Variants in SOX5 observed in about 807,000 individuals in gnomAD.
SOX5 encodes SRY-box transcription factor 5.
SOX5 carries 9 observed loss-of-function variants against 92.0 expected under a neutral mutation model. The observed-to-expected ratio is 0.10, with a 90% CI of 0.06 to 0.17. The LOEUF is 0.17. Ranked by LOEUF, SOX5 falls within the 10% of genes least tolerant of loss-of-function variation. SOX5 has a pLI of 1.00. For synonymous variants in SOX5, 344 were observed against 336.3 expected (o/e 1.02, Z -0.25); for missense variants, 642 against 944.5 (o/e 0.68, Z 4.20).
chr12:23,660,572 A>C (rs2082902721), intron 7 of SOX5, among the ~76,000 whole-genome samples: 2 of 152,210 alleles, frequency 1.3e-5, no homozygotes, highest in African/African-American at 4.8e-5. Flanking sequence ...CAAAGGAATC[A>C]ATTGGTATAA....
chr12:23,655,018 G>T (rs1258053669), intron 7 of SOX5, among the ~76,000 whole-genome samples: 2 of 151,990 alleles, frequency 1.3e-5, no homozygotes, highest in East Asian at 3.9e-4. Context: ...CATAGCAAAT[G>T]AAAACTTTAT....
chr12:24,131,884 A>G (rs1027777078), intron 4 of SOX5, among the ~76,000 whole-genome samples: 1 of 152,124 alleles, frequency 6.6e-6, no homozygotes, highest in Non-Finnish European at 1.5e-5. Flanking sequence ...TCCATGACCT[A>G]TACATTTTGT....
intron 4 of SOX5, among the ~76,000 whole-genome samples, chr12:24,119,309 T>C (rs971985906): frequency 2.6e-5 from 4 of 152,106 alleles, no homozygotes; most frequent in Non-Finnish European, 4.4e-5. Context: ...AAAAAACTTT[T>C]TGTATCATTA....
At chr12:23,929,577 C>T (rs1940920156) in intron 1 of SOX5, among the ~76,000 whole-genome samples, 1 of 151,792 alleles carries the variant, frequency 6.6e-6, no homozygotes, top group Admixed American at 6.6e-5. Flanking sequence ...TTTAATCCCA[C>T]TGTGAAAGAG....
At chr12:23,680,506 T>C (rs1227079111) in intron 6 of SOX5, among the ~76,000 whole-genome samples, 1 of 151,742 alleles carries the variant, frequency 6.6e-6, no homozygotes, top group South Asian at 2.1e-4. Flanking sequence ...TTAAGTGTCA[T>C]AGAGTCTAAA....
chr12:23,585,615 A>G (rs1281728492), intron 9 of SOX5, among the ~76,000 whole-genome samples: 1 of 152,196 alleles, frequency 6.6e-6, no homozygotes, highest in Non-Finnish European at 1.5e-5. Flanking sequence ...AGAGCAGTAC[A>G]GTAATAGTGA....
At chr12:23,566,584 T>C (rs1468429860) in intron 10 of SOX5, among the ~76,000 whole-genome samples, 1 of 152,218 alleles carries the variant, frequency 6.6e-6, no homozygotes, top group African/African-American at 2.4e-5. Flanking sequence ...AAAAAGGATG[T>C]GTTTTGGAGC....
chr12:23,920,085 T>C (rs1937693839), intron 1 of SOX5: 1 of 152,250 alleles, frequency 6.6e-6, no homozygotes, highest in South Asian at 2.1e-4. Context: ...TCAGCGCTAT[T>C]GCCTAAAAGT....
chr12:24,187,971 T>G (rs1411185289), intron 4 of SOX5, among the ~76,000 whole-genome samples: 1 of 152,214 alleles, frequency 6.6e-6, no homozygotes, highest in African/African-American at 2.4e-5. Flanking sequence ...AAAAGGGATA[T>G]GTAACTTCTG....
At chr12:24,343,599 T>G (rs1027038466) in intron 2 of SOX5, among the ~76,000 whole-genome samples, 13 of 152,294 alleles carry the variant, frequency 8.5e-5, no homozygotes, top group Non-Finnish European at 1.9e-4. Flanking sequence ...ATGTCTTTAA[T>G]CTGCACTCAG....
At chr12:23,788,115 AT>A (rs1251244930) in intron 3 of SOX5, among the ~76,000 whole-genome samples, 1 of 151,914 alleles carries the variant, frequency 6.6e-6, no homozygotes, top group African/African-American at 2.4e-5. Flanking sequence ...CATTTTTATT[AT>A]GGTTTATCAT....
At chr12:24,148,762 T>C (rs1043071839) in intron 4 of SOX5, among the ~76,000 whole-genome samples, 2 of 140,052 alleles carry the variant, frequency 1.4e-5, no homozygotes, top group Admixed American at 7.2e-5. Context: ...TAGTGGCCCA[T>C]ACATATAGTC....
intron 4 of SOX5, among the ~76,000 whole-genome samples, chr12:24,101,426 C>G (rs1166635798): frequency 6.6e-6 from 1 of 152,044 alleles, no homozygotes; most frequent in Non-Finnish European, 1.5e-5. Flanking sequence ...TCTTTATTTC[C>G]TTCATGACTA....
At chr12:23,687,799 C>G (rs1210234298) in intron 6 of SOX5, among the ~76,000 whole-genome samples, 1 of 151,788 alleles carries the variant, frequency 6.6e-6, no homozygotes, top group Non-Finnish European at 1.5e-5. Context: ...CACATATGAC[C>G]ATCTCTACAA....
intron 4 of SOX5, among the ~76,000 whole-genome samples, chr12:24,050,708 A>G (rs1286742118): frequency 6.6e-6 from 1 of 152,208 alleles, no homozygotes; most frequent in Non-Finnish European, 1.5e-5. Flanking sequence ...CCAGAAATTC[A>G]CTGAGCTTCA....
intron 10 of SOX5, among the ~76,000 whole-genome samples, chr12:23,569,121 T>C (rs1592145669): frequency 3.3e-5 from 5 of 152,180 alleles, no homozygotes; most frequent in African/African-American, 1.2e-4. Flanking sequence ...GCCTGGGAGG[T>C]AGAGGCTTCA....
At chr12:23,606,934 T>C (rs2137598699) in intron 8 of SOX5, among the ~76,000 whole-genome samples, 1 of 152,236 alleles carries the variant, frequency 6.6e-6, no homozygotes, top group East Asian at 1.9e-4. Context: ...TATAATATCA[T>C]TTGCCTTGCT....
chr12:24,108,658 C>G (rs1946969318), intron 4 of SOX5, among the ~76,000 whole-genome samples: 1 of 152,052 alleles, frequency 6.6e-6, no homozygotes, highest in Admixed American at 6.5e-5. Context: ...TTTTATCTGG[C>G]CTTTCATAAT....
chr12:24,181,779 C>G (rs1416457253), intron 4 of SOX5, among the ~76,000 whole-genome samples: 2 of 152,134 alleles, frequency 1.3e-5, no homozygotes, highest in African/African-American at 2.4e-5. Flanking sequence ...AGATAGTGAT[C>G]ATCCCTTTAA....
Sources: allele counts gnomAD v4.1 joint callset (sites outside exome capture counted in the v4.1 genomes callset), GRCh38; gene constraint gnomAD v4.1.1; transcripts MANE v1.5; gene names NCBI Gene and HGNC (gene_info 2026-07-23, HGNC 2026-07-21).